RALYL: variants seen among roughly 807,000 people sequenced by gnomAD.
RALYL encodes the protein RALY RNA binding protein like, also known as RNA-binding Raly-like protein.
A neutral mutation model predicts 35.1 loss-of-function variants in RALYL; 29 were observed. The ratio of observed to expected loss-of-function variants is 0.83; its 90% CI spans 0.61 to 1.13. RALYL has a LOEUF of 1.13. Among genes scored for constraint, RALYL ranks in the 50% most tolerant of loss-of-function variants. RALYL has a pLI of 0.00. For missense variants in RALYL, 359 were observed against 360.4 expected (o/e 1.00, Z 0.03); for synonymous variants, 120 against 127.6 (o/e 0.94, Z 0.40).
chr8:84,835,422 C>A (rs1038120021), intron 4 of RALYL, among the ~76,000 whole-genome samples: 1 of 148,844 alleles, frequency 6.7e-6, no homozygotes, highest in Admixed American at 6.8e-5. Context: ...AATGCCAGCA[C>A]TTTGGCAGGC....
intron 1 of RALYL, among the ~76,000 whole-genome samples, chr8:84,403,841 AT>A (rs983856824): frequency 6.6e-6 from 1 of 151,232 alleles, no homozygotes; most frequent in Non-Finnish European, 1.5e-5. Context: ...CATTTGTGTC[AT>A]CTCTTATTTC....
chr8:84,661,113 A>G (rs1276415007), intron 2 of RALYL, among the ~76,000 whole-genome samples: 1 of 151,918 alleles, frequency 6.6e-6, no homozygotes, highest in Non-Finnish European at 1.5e-5. Flanking sequence ...TATTTTTAGT[A>G]GAGACGGGGT....
At chr8:84,759,437 G>A (rs1314807450) in intron 2 of RALYL, among the ~76,000 whole-genome samples, 1 of 152,066 alleles carries the variant, frequency 6.6e-6, no homozygotes, top group Non-Finnish European at 1.5e-5. Flanking sequence ...CACTAACCCA[G>A]GTAACAAACT....
chr8:84,559,824 AAC>A (rs1211198265), intron 2 of RALYL, among the ~76,000 whole-genome samples: 1 of 151,978 alleles, frequency 6.6e-6, no homozygotes, highest in Non-Finnish European at 1.5e-5. Flanking sequence ...AGTAGCAGCT[AAC>A]ACAGGTCAGC....
chr8:84,326,288 T>C (rs1845780184), intron 1 of RALYL, among the ~76,000 whole-genome samples: 1 of 152,070 alleles, frequency 6.6e-6, no homozygotes, highest in Non-Finnish European at 1.5e-5. Flanking sequence ...CTAATCCTTA[T>C]ACTGTTTTAG....
At chr8:84,696,205 T>C (rs145480581) in intron 2 of RALYL, among the ~76,000 whole-genome samples, 1 of 151,924 alleles carries the variant, frequency 6.6e-6, no homozygotes, top group East Asian at 1.9e-4. Flanking sequence ...TTAAGTTCAT[T>C]TAATTTAAAT....
chr8:84,567,767 T>C (rs1028380982), intron 2 of RALYL, among the ~76,000 whole-genome samples: 2 of 151,698 alleles, frequency 1.3e-5, no homozygotes, highest in African/African-American at 4.8e-5. Context: ...TTTTTAGTTC[T>C]TTGAGGTGTC....
intron 2 of RALYL, among the ~76,000 whole-genome samples, chr8:84,619,051 T>C (rs1276003879): frequency 6.6e-6 from 1 of 150,568 alleles, no homozygotes; most frequent in Non-Finnish European, 1.5e-5. Flanking sequence ...GGTGTGGTGC[T>C]GAAAAAAATG....
intron 1 of RALYL, among the ~76,000 whole-genome samples, chr8:84,236,312 C>T (rs551408672): frequency 6.6e-6 from 1 of 152,168 alleles, no homozygotes; most frequent in Middle Eastern, 3.4e-3. Context: ...TTACAGTAAT[C>T]AAAATTTATG....
At chr8:84,286,534 G>T (rs1203945909) in intron 1 of RALYL, among the ~76,000 whole-genome samples, 2 of 152,146 alleles carry the variant, frequency 1.3e-5, no homozygotes, top group African/African-American at 4.8e-5. Context: ...AGAGCACCTC[G>T]CAAGGAGAAT....
chr8:84,914,073 T>C (rs994047879), intron 8 of RALYL, among the ~76,000 whole-genome samples: 1 of 152,162 alleles, frequency 6.6e-6, no homozygotes, highest in East Asian at 1.9e-4. Flanking sequence ...TTTAAAATTA[T>C]TCCTGTAAAG....
chr8:84,650,930 A>G (rs1463867040), intron 2 of RALYL, among the ~76,000 whole-genome samples: 2 of 152,098 alleles, frequency 1.3e-5, no homozygotes, highest in East Asian at 1.9e-4. Flanking sequence ...AGGGACGTGG[A>G]TGAAATTGGA....
chr8:84,888,498 A>G (rs1265851676), intron 8 of RALYL, among the ~76,000 whole-genome samples: 1 of 152,206 alleles, frequency 6.6e-6, no homozygotes, highest in Non-Finnish European at 1.5e-5. Flanking sequence ...TAAAAATGAT[A>G]TGCGGGCAAA....
At chr8:84,447,585 T>A (rs1218624478) in intron 1 of RALYL, among the ~76,000 whole-genome samples, 1 of 152,066 alleles carries the variant, frequency 6.6e-6, no homozygotes, top group African/African-American at 2.4e-5. Context: ...CCTCTCATGG[T>A]TAACACACTT....
chr8:84,755,429 C>T (rs1184279755), intron 2 of RALYL, among the ~76,000 whole-genome samples: 3 of 152,162 alleles, frequency 2.0e-5, no homozygotes, highest in Non-Finnish European at 2.9e-5. Context: ...TCTCCGTAGT[C>T]CCTTTTGTTC....
At chr8:84,828,358 C>A (rs1306565319) in intron 4 of RALYL, among the ~76,000 whole-genome samples, 2 of 151,928 alleles carry the variant, frequency 1.3e-5, no homozygotes, top group African/African-American at 4.8e-5. Flanking sequence ...AAAAATCATC[C>A]CCTTAATAAT....
chr8:84,676,559 C>A (rs1366462257), intron 2 of RALYL, among the ~76,000 whole-genome samples: 1 of 152,104 alleles, frequency 6.6e-6, no homozygotes, highest in Non-Finnish European at 1.5e-5. Context: ...AATCTGTCTC[C>A]AGAATTTTAG....
At chr8:84,344,160 C>T (rs967590171) in intron 1 of RALYL, among the ~76,000 whole-genome samples, 2 of 151,846 alleles carry the variant, frequency 1.3e-5, no homozygotes, top group Admixed American at 1.3e-4. Context: ...TATTTTATAA[C>T]AATTGCAACC....
chr8:84,645,687 C>T (rs1273773302), intron 2 of RALYL, among the ~76,000 whole-genome samples: 1 of 152,102 alleles, frequency 6.6e-6, no homozygotes, highest in East Asian at 1.9e-4. Context: ...GGATGAAGCT[C>T]ATCCTCTAGC....
Sources: allele counts gnomAD v4.1 joint callset (sites outside exome capture counted in the v4.1 genomes callset), GRCh38; gene constraint gnomAD v4.1.1; transcripts MANE v1.5; gene names NCBI Gene and HGNC (gene_info 2026-07-23, HGNC 2026-07-21).